The following SYT2 variants were observed in gnomAD, a reference collection of about 807,000 sequenced individuals.
SYT2 encodes the protein synaptotagmin-2.
SYT2 carries 15 observed loss-of-function variants against 39.9 expected under a neutral mutation model. The observed-to-expected ratio is 0.38, with a 90% CI of 0.25 to 0.58. The LOEUF is 0.58. Among genes scored for constraint, SYT2 ranks in the 20% least tolerant of loss-of-function variants. The pLI, the probability that SYT2 is intolerant of heterozygous loss-of-function variation, is 0.70. For missense variants in SYT2, 389 were observed against 530.3 expected, an observed-to-expected ratio of 0.73 and a Z score of 2.62; for synonymous variants, 181 against 204.5, an observed-to-expected ratio of 0.89 and a Z score of 0.98.
intron 1 of SYT2, among the ~76,000 whole-genome samples, chr1:202,637,744 C>T (rs1691779319): frequency 6.6e-6 from 1 of 152,256 alleles, no homozygotes; most frequent in Non-Finnish European, 1.5e-5. Flanking sequence ...CCCCTTTCAC[C>T]CTCTGCCCCT....
At chr1:202,704,305 T>C (rs1654194175) in intron 1 of SYT2, among the ~76,000 whole-genome samples, 3 of 152,192 alleles carry the variant, frequency 2.0e-5, no homozygotes, top group Admixed American at 1.3e-4. Flanking sequence ...AGAAACAACA[T>C]GCCCTGGCCT....
intron 1 of SYT2, among the ~76,000 whole-genome samples, chr1:202,636,250 G>A (rs1437866859): frequency 6.6e-6 from 1 of 152,116 alleles, no homozygotes; most frequent in South Asian, 2.1e-4. Flanking sequence ...AATGAGGAGG[G>A]CCAGATTCAG....
At chr1:202,675,465 C>T (rs1007449101) in intron 1 of SYT2, among the ~76,000 whole-genome samples, 1 of 151,678 alleles carries the variant, frequency 6.6e-6, no homozygotes, top group African/African-American at 2.4e-5. Context: ...AAGTATTTGA[C>T]CAGGGACCAC....
chr1:202,675,727 C>G lies in SYT2; in HGVS notation c.-18+34531G>C, dbSNP rs184961820. ...TGCTGGCTGGTTCCCTTCCACCTTA[C>G]CCCATTTCCTCTAACCGGTCCAAGC... On this transcript the variant is annotated intron_variant, in intron 1 of 8. Transcript: ENST00000367268. Among the ~76,000 whole-genome samples the G allele has an allele frequency of 1.1e-4, 17 of 152,264 alleles. No homozygotes were observed. The East Asian group carries it at 3.1e-3, about 28-fold the overall frequency.
At position 202,604,271 on chromosome 1, in the gene SYT2, G is replaced by GC. The variant is rs200815646; in HGVS notation, c.345+183dup. The GC allele has an allele frequency of 3.8e-3, 2,410 of 629,810 alleles. 16 individuals carry two copies. Among genetic ancestry groups the GC allele is most frequent in the African/African-American group, 0.017 (925 of 54,782 alleles). 39.0% of individuals were successfully genotyped at this position (629,810 alleles called of 1,614,324 possible). ...GAGTTCATGCTAACACAGGAATAAG[G>GC]CCCCCCCCTCCCAGGGGCCTCCAGG... On this transcript the variant is annotated intron_variant, in intron 3 of 8. Transcript: ENST00000367268.
chr1:202,629,277 G>A (rs1691502786), intron 1 of SYT2, among the ~76,000 whole-genome samples: 1 of 152,160 alleles, frequency 6.6e-6, no homozygotes, highest in Non-Finnish European at 1.5e-5. Context: ...CCTCTCTTGA[G>A]CCATTGCACT....
intron 1 of SYT2, among the ~76,000 whole-genome samples, chr1:202,641,619 T>C (rs1041479752): frequency 2.0e-5 from 3 of 152,218 alleles, no homozygotes; most frequent in African/African-American, 7.2e-5. Flanking sequence ...TAGATTAGAC[T>C]TTCCTATGGC....
At chr1:202,706,058 G>GTGT (rs1654242949) in intron 1 of SYT2, among the ~76,000 whole-genome samples, 1 of 152,040 alleles carries the variant, frequency 6.6e-6, no homozygotes, top group South Asian at 2.1e-4. Context: ...TGGCAGCTAG[G>GTGT]TGTTCCCCTG....
At chr1:202,624,528 A>G (rs1691298329) in intron 1 of SYT2, among the ~76,000 whole-genome samples, 2 of 119,496 alleles carry the variant, frequency 1.7e-5, no homozygotes, top group Non-Finnish European at 3.5e-5. Context: ...TGTGGTGTGT[A>G]GTAGAGTGTG....
chr1:202,683,737 G>GT (rs1488229130), intron 1 of SYT2, among the ~76,000 whole-genome samples: 3 of 34,934 alleles, frequency 8.6e-5, no homozygotes, highest in Admixed American at 8.9e-4. Flanking sequence ...GTGAGACCCT[G>GT]TTTAAAAAAA....
At chr1:202,698,164 A>C (rs1654022949) in intron 1 of SYT2, among the ~76,000 whole-genome samples, 1 of 152,022 alleles carries the variant, frequency 6.6e-6, no homozygotes, top group Admixed American at 6.6e-5. Context: ...ACCACAGGGA[A>C]TACTCTCCCT....
intron 1 of SYT2, among the ~76,000 whole-genome samples, chr1:202,674,176 G>A (rs144450363): frequency 2.8e-4 from 42 of 152,070 alleles, no homozygotes; most frequent in East Asian, 2.5e-3. Flanking sequence ...ATCTTGTGTC[G>A]CTGCAACCTC....
chr1:202,691,866 G>A (rs996802639), intron 1 of SYT2, among the ~76,000 whole-genome samples: 1 of 151,912 alleles, frequency 6.6e-6, no homozygotes, highest in Non-Finnish European at 1.5e-5. Context: ...CCTGGAAGCA[G>A]AGGATGACCC....
chr1:202,707,438 C>T (rs1350862229), intron 1 of SYT2, among the ~76,000 whole-genome samples: 1 of 152,164 alleles, frequency 6.6e-6, no homozygotes, highest in Non-Finnish European at 1.5e-5. Flanking sequence ...AGTATCCCCA[C>T]CACCCTGGAC....
At chr1:202,664,485 T>C (rs947740993) in intron 1 of SYT2, among the ~76,000 whole-genome samples, 5 of 152,172 alleles carry the variant, frequency 3.3e-5, no homozygotes, top group African/African-American at 7.2e-5. Context: ...CCAATCAATA[T>C]ACAGCACGTT....
rs1472920474 is a variant in SYT2 at position 202,623,272 on chromosome 1, C to T, written c.-17-17483G>A. The stretch of plus-strand genomic sequence containing the variant: ...AGAGGGAGTTAATACTGCAGCACGG[C>T]GCACTCTAGCCAAGACGGAGAAGCT... On this transcript the variant is annotated intron_variant, in intron 1 of 8. Coordinates refer to ENST00000367268, the MANE Select transcript of SYT2 (RefSeq NM_177402.5). The surrounding 1 kb of genome is among the most constrained non-coding windows in gnomAD (Gnocchi z 4.2). Among the ~76,000 whole-genome samples the T allele has an allele frequency of 6.6e-6, 1 of 152,218 alleles. No homozygotes were observed. Among genetic ancestry groups the T allele is most frequent in the Non-Finnish European group, 1.5e-5 (1 of 68,036 alleles).
intron 1 of SYT2, among the ~76,000 whole-genome samples, chr1:202,648,385 T>C (rs1400217059): frequency 6.6e-6 from 1 of 152,198 alleles, no homozygotes; most frequent in Non-Finnish European, 1.5e-5. Flanking sequence ...TTTCACCATG[T>C]TGGCCAGGCT....
In SYT2 at chr1:202,599,924, A is replaced by T. The variant is rs558514396; in HGVS notation, c.919+433T>A. 5.3e-5 allele frequency among the ~76,000 whole-genome samples: 8 copies of T among 152,198 alleles called. No homozygotes were observed. The South Asian group carries it at 1.7e-3, about 32-fold the overall frequency. ...GCCAGCCCCATTCACTGCCAGGTAAATGTGATATTCAGAGCATCTTCCACT... is the reference window on the plus strand; with the variant it reads ...GCCAGCCCCATTCACTGCCAGGTAATTGTGATATTCAGAGCATCTTCCACT... On this transcript the variant is annotated intron_variant, in intron 7 of 8. Coordinates refer to ENST00000367268, the MANE Select transcript of SYT2 (RefSeq NM_177402.5). This position sits in a 1 kb window ranked among gnomAD's most constrained non-coding sequence, Gnocchi z 4.4.
chr1:202,678,412 CG>C (rs67379792), intron 1 of SYT2, among the ~76,000 whole-genome samples: 80,845 of 151,314 alleles, frequency 0.53, 23,859 homozygotes, highest in East Asian at 0.77. Flanking sequence ...TCAGATTTAG[CG>C]TCTGTGATTT....
Sources: gnomAD v4.1 joint callset for allele counts (sites outside exome capture counted in the v4.1 genomes callset) on GRCh38, gnomAD v4.1.1 for gene constraint, Gnocchi (gnomAD v3.1) non-coding constraint, MANE v1.5 for transcripts, NCBI Gene and HGNC (gene_info 2026-07-23, HGNC 2026-07-21) for gene names.